The following WDPCP variants were observed in gnomAD, a reference collection of about 807,000 sequenced individuals.
The protein encoded by WDPCP is WD repeat-containing and planar cell polarity effector protein fritz homolog.
A neutral mutation model predicts 93.1 loss-of-function variants in WDPCP; 71 were observed. The observed-to-expected ratio is 0.76, with a 90% confidence interval of 0.63 to 0.93. The LOEUF is 0.93. WDPCP is among the 40% of genes least tolerant of loss of function. The pLI is 0.00. For missense variants in WDPCP, 844 were observed against 887.4 expected (o/e 0.95, Z 0.62); for synonymous variants, 315 against 315.0 (o/e 1.00, Z 0.00).
intron 9 of WDPCP, among the ~76,000 whole-genome samples, chr2:63,433,521 G>A (rs1270161481): frequency 6.6e-6 from 1 of 152,142 alleles, no homozygotes; most frequent in African/African-American, 2.4e-5. Context: ...AAGCTACATA[G>A]TGGCAGAGCT....
chr2:63,345,950 T>C (rs562786290), intron 12 of WDPCP, among the ~76,000 whole-genome samples: 1 of 152,172 alleles, frequency 6.6e-6, no homozygotes. Context: ...CCTGATAAGG[T>C]AGGAGACTAT....
chr2:63,615,359 T>C (rs1177852053), intron 3 of WDPCP, among the ~76,000 whole-genome samples: 1 of 152,072 alleles, frequency 6.6e-6, no homozygotes, highest in Admixed American at 6.5e-5. Flanking sequence ...GCCAGGCATG[T>C]CCACCGTGCG....
At chr2:63,204,012 G>A (rs754504322) in intron 14 of WDPCP, among the ~76,000 whole-genome samples, 10 of 152,148 alleles carry the variant, frequency 6.6e-5, no homozygotes, top group Non-Finnish European at 1.5e-4. Flanking sequence ...CAACAAACAT[G>A]GGAGTGCAGA....
intron 2 of WDPCP, among the ~76,000 whole-genome samples, chr2:63,724,494 A>T (rs926373348): frequency 6.6e-6 from 1 of 152,166 alleles, no homozygotes; most frequent in Non-Finnish European, 1.5e-5. Flanking sequence ...AAAAATCACA[A>T]TTCCTCTCTG....
At position 63,498,775 on chromosome 2, in the gene WDPCP, A is replaced by T. The variant is rs368907670; in HGVS notation, c.76-5835T>A. On this transcript the variant is annotated intron_variant, in intron 1 of 17. Coordinates refer to ENST00000272321, the MANE Select transcript of WDPCP (RefSeq NM_015910.7). ...GAGGGCAAAGAAAACCCAAATGTGA[A>T]ACATGATAGCAAAGAAAGAATTAAG... Among the ~76,000 whole-genome samples, 34 of 152,354 alleles carry T rather than the reference A, an allele frequency of 2.2e-4. 1 individual carries two copies. The South Asian group carries it at 3.5e-3, about 16-fold the overall frequency.
At chr2:63,590,179 G>C (rs915774228), upstream of WDPCP, 1 of 152,172 alleles carries the variant, frequency 6.6e-6, no homozygotes, top group Non-Finnish European at 1.5e-5. Context: ...ACCTTAGCTA[G>C]AAAGCAGAGG....
rs1672026791 is a variant in WDPCP at position 63,153,578 on chromosome 2, C to T, written c.2079-4G>A. ...ATTCCTTCTGTCAATTATTTGTCTG[C>T]AGTATATGGGTGTTTTTAATTGGAA... On this transcript the variant is annotated splice_region_variant and splice_polypyrimidine_tract_variant and intron_variant, in intron 15 of 17. Coordinates refer to ENST00000272321, the MANE Select transcript of WDPCP (RefSeq NM_015910.7). 1.2e-6 allele frequency: 2 copies of T among 1,610,150 alleles called. No individual in the cohort carries two copies. The highest frequency in any genetic ancestry group is 1.3e-5 in the African/African-American group (1 of 74,822).
intron 2 of WDPCP, among the ~76,000 whole-genome samples, chr2:63,688,144 T>G (rs1668837007): frequency 6.6e-6 from 1 of 152,134 alleles, no homozygotes; most frequent in South Asian, 2.1e-4. Context: ...TTAAAACGAT[T>G]GGCCTGGCGC....
At chr2:63,510,853 G>T (rs879502611) in intron 1 of WDPCP, among the ~76,000 whole-genome samples, 10 of 152,118 alleles carry the variant, frequency 6.6e-5, no homozygotes, top group Non-Finnish European at 1.3e-4. Context: ...GCGGGTGCCT[G>T]TAGTCCCAGC....
intron 15 of WDPCP, among the ~76,000 whole-genome samples, chr2:63,161,767 C>CTT (rs1177379979): frequency 2.8e-5 from 4 of 140,494 alleles, no homozygotes; most frequent in African/African-American, 7.8e-5. Flanking sequence ...TCATTTTTTT[C>CTT]TTTTTTTTTT....
intron 13 of WDPCP, among the ~76,000 whole-genome samples, chr2:63,271,462 G>T (rs1360397779): frequency 6.6e-6 from 1 of 152,156 alleles, no homozygotes; most frequent in East Asian, 1.9e-4. Context: ...CACTGCTGGT[G>T]CCCACATGTA....
chr2:63,402,356 C>T (rs1352727797), intron 10 of WDPCP, among the ~76,000 whole-genome samples: 2 of 152,046 alleles, frequency 1.3e-5, no homozygotes, highest in Admixed American at 1.3e-4. Flanking sequence ...AGGACAAATA[C>T]CTAATGCATG....
At chr2:63,535,658 T>C (rs893604647) in intron 1 of WDPCP, among the ~76,000 whole-genome samples, 22 of 152,182 alleles carry the variant, frequency 1.4e-4, no homozygotes, top group Non-Finnish European at 2.8e-4. Context: ...TGGCTAGCCA[T>C]ATGTAGAAAG....
chr2:63,717,709 A>G, intron 2 of WDPCP: 1 of 459,986 alleles, frequency 2.2e-6, no homozygotes, highest in Non-Finnish European at 4.3e-6. Flanking sequence ...CCTTGGCCCA[A>G]CGTTGATGCC....
At chr2:63,633,958 A>C (rs755828923) in intron 3 of WDPCP, among the ~76,000 whole-genome samples, 1 of 152,088 alleles carries the variant, frequency 6.6e-6, no homozygotes, top group Non-Finnish European at 1.5e-5. Context: ...GCTACTCACG[A>C]GGGTGAGGAA....
At position 63,174,852 on chromosome 2, in the gene WDPCP, T is replaced by C. The variant is rs1471213099; in HGVS notation, c.1916-20A>G. 1.2e-5 allele frequency: 20 copies of C among 1,611,320 alleles called. No homozygotes were observed. The Admixed American group carries it at 3.3e-4, about 27-fold the overall frequency. On this transcript the variant is annotated intron_variant, in intron 14 of 17. Transcript: ENST00000272321. The stretch of plus-strand genomic sequence containing the variant: ...GGAGTTCTGTTGAAAATGATTAATA[T>C]GTGAGTGAAATACTAAGTACAATTT...
chr2:63,362,258 C>CCT (rs1690523343), intron 12 of WDPCP, among the ~76,000 whole-genome samples: 2 of 93,272 alleles, frequency 2.1e-5, no homozygotes, highest in Admixed American at 1.5e-4. Flanking sequence ...GGTAGAATCC[C>CCT]TTTTTTTTTT....
chr2:63,294,595 G>A (rs1684707284), intron 13 of WDPCP, among the ~76,000 whole-genome samples: 2 of 148,266 alleles, frequency 1.3e-5, no homozygotes, highest in Admixed American at 6.7e-5. Context: ...CTTCAAAAGT[G>A]AAGAAGAAAT....
intron 14 of WDPCP, among the ~76,000 whole-genome samples, chr2:63,243,382 T>A (rs1574966603): frequency 6.6e-6 from 1 of 152,178 alleles, no homozygotes; most frequent in Non-Finnish European, 1.5e-5. Context: ...GGGTTATTTT[T>A]TTCTTGTGAT....
Sources: allele counts gnomAD v4.1 joint callset (sites outside exome capture counted in the v4.1 genomes callset), GRCh38; gene constraint gnomAD v4.1.1; transcripts MANE v1.5; gene names NCBI Gene and HGNC (gene_info 2026-07-23, HGNC 2026-07-21).